LRMDA: variants seen among roughly 807,000 people sequenced by gnomAD.
The protein encoded by LRMDA is leucine-rich melanocyte differentiation-associated protein.
In LRMDA, 18 loss-of-function variants were observed where a neutral mutation model predicts 29.8. That is an observed-to-expected ratio of 0.60 (90% confidence interval 0.42 to 0.90). LRMDA has a LOEUF of 0.90. Ranked by LOEUF, LRMDA falls within the 40% of genes least tolerant of loss-of-function variation. The pLI, the probability that LRMDA is intolerant of heterozygous loss-of-function variation, is 0.00. For synonymous variants in LRMDA, 125 were observed against 109.4 expected (o/e 1.14, Z -0.89); for missense variants, 273 against 273.9 (o/e 1.00, Z 0.02).
intron 2 of LRMDA, among the ~76,000 whole-genome samples, chr10:75,567,044 A>G (rs1840381220): frequency 1.3e-5 from 2 of 152,194 alleles, no homozygotes; most frequent in African/African-American, 4.8e-5. Flanking sequence ...TTTACTATTT[A>G]TCAAGTTACT....
rs569097829 is a variant in LRMDA at position 75,651,607 on chromosome 10, T to C, written c.131+213113T>C. ...GTACTAGGAGGAGATTTTCAAGCTG[T>C]GTTAGAAGAGGGAATATAGTCACCT... is the stretch of plus-strand genomic sequence containing the variant. On this transcript the variant is annotated intron_variant, in intron 2 of 6. Transcript: ENST00000611255. Among the ~76,000 whole-genome samples, 21 of 152,234 alleles carry C rather than the reference T, an allele frequency of 1.4e-4. No homozygotes were observed. In the East Asian group the frequency reaches 1.5e-3, roughly 11 times the overall value.
At chr10:75,935,878 A>G (rs1373697801) in intron 2 of LRMDA, among the ~76,000 whole-genome samples, 1 of 152,160 alleles carries the variant, frequency 6.6e-6, no homozygotes, top group Non-Finnish European at 1.5e-5. Context: ...TAATGTCAGT[A>G]GTGACAGCAG....
intron 2 of LRMDA, among the ~76,000 whole-genome samples, chr10:75,732,657 G>A (rs1842713772): frequency 6.6e-6 from 1 of 152,138 alleles, no homozygotes; most frequent in South Asian, 2.1e-4. Context: ...GTGTGGATGG[G>A]AAATACCACA....
chr10:76,518,979 A>G (rs1843092070), intron 6 of LRMDA, among the ~76,000 whole-genome samples: 1 of 152,170 alleles, frequency 6.6e-6, no homozygotes, highest in Non-Finnish European at 1.5e-5. Flanking sequence ...ATAAAATTTT[A>G]ATTTAGAAAT....
rs78039980 is a variant in LRMDA at position 76,258,408 on chromosome 10, A to T, written c.517-65993A>T. 2.8e-3 allele frequency among the ~76,000 whole-genome samples: 420 copies of T among 152,268 alleles called. 22 individuals are homozygous for T. In the East Asian group the frequency reaches 0.062, roughly 23 times the overall value. ...ATATAATGTATTGCATGATCTGATC[A>T]GTGTAATTAGCATATCCCTCATCGC... On this transcript the variant is annotated intron_variant, in intron 5 of 6. Coordinates refer to ENST00000611255, the MANE Select transcript of LRMDA (RefSeq NM_001305581.2).
intron 5 of LRMDA, among the ~76,000 whole-genome samples, chr10:76,213,572 T>C (rs542066735): frequency 6.6e-6 from 1 of 152,366 alleles, no homozygotes; most frequent in Admixed American, 6.5e-5. Flanking sequence ...ACATTGTTTC[T>C]TTCAGCCATC....
At chr10:76,427,262 A>C (rs1199321984) in intron 6 of LRMDA, among the ~76,000 whole-genome samples, 2 of 151,954 alleles carry the variant, frequency 1.3e-5, no homozygotes, top group South Asian at 4.2e-4. Flanking sequence ...ATTTGTTTGT[A>C]TCCTCTTTTA....
intron 2 of LRMDA, among the ~76,000 whole-genome samples, chr10:75,483,483 A>G (rs1481194398): frequency 6.6e-6 from 1 of 152,218 alleles, no homozygotes; most frequent in Non-Finnish European, 1.5e-5. Flanking sequence ...GCTTGGAGTC[A>G]AAGGACACAT....
chr10:76,240,877 C>T (rs1589390037), intron 5 of LRMDA, among the ~76,000 whole-genome samples: 1 of 146,322 alleles, frequency 6.8e-6, no homozygotes, highest in East Asian at 2.0e-4. Flanking sequence ...TATATACGCA[C>T]ACACACACAT....
At chr10:75,859,600 TACACACACACACACACAC>T (rs71024575) in intron 2 of LRMDA, among the ~76,000 whole-genome samples, 29 of 77,600 alleles carry the variant, frequency 3.7e-4, no homozygotes, top group South Asian at 9.9e-4. Flanking sequence ...ATTCAGGGCA[TACACACACACACACACAC>T]ACACACACAC....
intron 6 of LRMDA, among the ~76,000 whole-genome samples, chr10:76,422,763 G>T (rs983133863): frequency 1.3e-5 from 2 of 152,326 alleles, no homozygotes; most frequent in South Asian, 4.1e-4. Context: ...GTTTGCTGTT[G>T]TTTGCTTGGG....
At chr10:76,551,491 C>T (rs139108347) in intron 6 of LRMDA, among the ~76,000 whole-genome samples, 32 of 152,242 alleles carry the variant, frequency 2.1e-4, no homozygotes, top group Non-Finnish European at 3.2e-4. Flanking sequence ...CTCCAACTTA[C>T]GAAGGTTCAA....
At chr10:76,040,077 A>G (rs571834222) in intron 3 of LRMDA, among the ~76,000 whole-genome samples, 163 of 152,316 alleles carry the variant, frequency 1.1e-3, no homozygotes, top group African/African-American at 3.8e-3. Context: ...GAGCTCTCTG[A>G]AGTCACATAG....
At chr10:75,772,216 G>A (rs1843250003) in intron 2 of LRMDA, among the ~76,000 whole-genome samples, 1 of 152,092 alleles carries the variant, frequency 6.6e-6, no homozygotes, top group Admixed American at 6.5e-5. Flanking sequence ...TGCTTTTATT[G>A]TGCAATCATT....
At chr10:75,854,298 G>A (rs1383508480) in intron 2 of LRMDA, among the ~76,000 whole-genome samples, 1 of 152,070 alleles carries the variant, frequency 6.6e-6, no homozygotes, top group African/African-American at 2.4e-5. Context: ...CTTTGCTTGG[G>A]TGATATTCCC....
intron 5 of LRMDA, among the ~76,000 whole-genome samples, chr10:76,067,751 C>T: frequency 6.6e-6 from 1 of 152,116 alleles, no homozygotes; most frequent in Non-Finnish European, 1.5e-5. Context: ...GGCAACTTGT[C>T]TAGGAACAGG....
intron 5 of LRMDA, among the ~76,000 whole-genome samples, chr10:76,095,078 A>G (rs767678643): frequency 2.0e-5 from 3 of 152,222 alleles, no homozygotes; most frequent in Admixed American, 6.5e-5. Flanking sequence ...TATCATAACA[A>G]TCAAGATAAT....
intron 6 of LRMDA, among the ~76,000 whole-genome samples, chr10:76,327,302 A>C (rs1419639145): frequency 6.6e-6 from 1 of 152,070 alleles, no homozygotes; most frequent in Non-Finnish European, 1.5e-5. Context: ...CATGTTGACC[A>C]GGCTGGTCTC....
At chr10:75,782,021 C>T (rs1484542358) in intron 2 of LRMDA, among the ~76,000 whole-genome samples, 1 of 152,198 alleles carries the variant, frequency 6.6e-6, no homozygotes, top group Non-Finnish European at 1.5e-5. Flanking sequence ...ATCACAGCTA[C>T]AGCTTTTCGG....
Sources: allele counts gnomAD v4.1 joint callset (sites outside exome capture counted in the v4.1 genomes callset), GRCh38; gene constraint gnomAD v4.1.1; transcripts MANE v1.5; gene names NCBI Gene and HGNC (gene_info 2026-07-23, HGNC 2026-07-21).